The following DST variants were observed in gnomAD, a reference collection of about 807,000 sequenced individuals.
DST encodes the protein dystonin.
DST carries 253 observed loss-of-function variants against 875.2 expected under a neutral mutation model. The ratio of observed to expected loss-of-function variants is 0.29; its 90% CI spans 0.26 to 0.32. DST has a LOEUF of 0.32. DST is among the 10% of genes least tolerant of loss of function. The pLI, the probability that DST is intolerant of heterozygous loss-of-function variation, is 1.00. For missense variants in DST, 8,287 were observed against 9,111.6 expected, an observed-to-expected ratio of 0.91 and a Z score of 3.68; for synonymous variants, 3,124 against 3,197.1, an observed-to-expected ratio of 0.98 and a Z score of 0.77.
At chr6:56,779,645 A>G (rs190574146) in intron 4 of DST, among the ~76,000 whole-genome samples, 1 of 151,224 alleles carries the variant, frequency 6.6e-6, no homozygotes, top group East Asian at 1.9e-4. Context: ...ATAGGGAATC[A>G]TTTCCCCATT....
chr6:56,710,582 T>C (rs543457250), intron 5 of DST, among the ~76,000 whole-genome samples: 1 of 152,262 alleles, frequency 6.6e-6, no homozygotes, highest in African/African-American at 2.4e-5. Context: ...TTAGACAGCC[T>C]ACTTGAAAAA....
chr6:56,473,953 G>A lies in DST; in HGVS notation c.21914C>T (p.Thr7305Met), dbSNP rs1311125208. The A allele has an allele frequency of 6.3e-6, 10 of 1,585,560 alleles. No individual in the cohort carries two copies. The highest frequency in any genetic ancestry group is 1.8e-5 in the Admixed American group (1 of 56,162). ...TRKQPDVDKV[T>M]KTYKRRAADP... is the part of the protein sequence containing the mutation. ...AGCAGCTCTCCTCTTATAGGTCTTCGTTACTTTATCAACATCAGGCTGTTT... is the reference window on the plus strand; with the variant it reads ...AGCAGCTCTCCTCTTATAGGTCTTCATTACTTTATCAACATCAGGCTGTTT... Residue 7305 changes from threonine to methionine, a missense_variant, in exon 93 of 104, where the codon ACG (threonine) becomes ATG (methionine). Thr to Met is a moderately conservative substitution (Grantham distance 81). Transcript: ENST00000680361.
At chr6:56,805,662 T>C (rs1036078178) in intron 4 of DST, among the ~76,000 whole-genome samples, 1 of 152,238 alleles carries the variant, frequency 6.6e-6, no homozygotes, top group Non-Finnish European at 1.5e-5. Flanking sequence ...ATGTGCCTAC[T>C]GGCACCATTC....
At chr6:56,491,573 C>G (rs969005763) in intron 85 of DST, among the ~76,000 whole-genome samples, 1 of 151,874 alleles carries the variant, frequency 6.6e-6, no homozygotes, top group Non-Finnish European at 1.5e-5. Flanking sequence ...GAGGAGAGTT[C>G]TCTGTGAAAT....
In DST at chr6:56,578,934, A is replaced by G. The variant is rs187952313; in HGVS notation, c.12907T>C (p.Leu4303=). The G allele has an allele frequency of 3.0e-5, 48 of 1,591,998 alleles. 1 individual carries two copies. In the African/African-American group the frequency reaches 4.1e-4, roughly 14 times the overall value. ...TGCTGACTTGATATCTGTCCTTGCA[A>G]AGCCTGTAGGATTAAACGCTTTTCA... The part of the protein sequence containing the change: ...LQRQLEETKA[L]QGQISSQQVA... The change falls in exon 50 of 104, where the codon TTG becomes CTG. Residue 4303 remains leucine, a synonymous_variant. Coordinates refer to ENST00000680361, the MANE Select transcript of DST (RefSeq NM_001374736.1).
chr6:56,650,865 A>C, intron 12 of DST, 61 bp downstream of exon 12: 1 of 1,014,158 alleles, frequency 9.9e-7, no homozygotes, highest in Non-Finnish European at 1.5e-6. Context: ...ATTATCAATA[A>C]ATGCAGTCAA....
rs546471353 is a variant in DST, at chr6:56,944,335, C to T, written c.216+9450G>A. ...ACTAAGAACTGGGGTTTTAGACTGCCTTTAAGAGTCTCACAATAACAAAAA... is the reference window on the plus strand; with the variant it reads ...ACTAAGAACTGGGGTTTTAGACTGCTTTTAAGAGTCTCACAATAACAAAAA... On this transcript the variant is annotated intron_variant, in intron 2 of 103. Coordinates refer to ENST00000680361, the MANE Select transcript of DST (RefSeq NM_001374736.1). Among the ~76,000 whole-genome samples the T allele has an allele frequency of 2.0e-5, 3 of 151,302 alleles. No individual in the cohort carries two copies. In the East Asian group the frequency reaches 5.8e-4, roughly 29 times the overall value.
At chr6:56,591,692 G>C (rs770966682) in intron 49 of DST, among the ~76,000 whole-genome samples, 12 of 152,192 alleles carry the variant, frequency 7.9e-5, no homozygotes, top group Non-Finnish European at 1.2e-4. Context: ...CATCAGGAAG[G>C]CTGGGCGCGG....
At chr6:56,863,653 C>G (rs1022587291) in intron 3 of DST, among the ~76,000 whole-genome samples, 1 of 152,112 alleles carries the variant, frequency 6.6e-6, no homozygotes, top group Non-Finnish European at 1.5e-5. Flanking sequence ...CTTTCTCAAC[C>G]GGGGATTTCC....
At chr6:56,756,160 T>G (rs2099602437) in intron 4 of DST, among the ~76,000 whole-genome samples, 1 of 152,148 alleles carries the variant, frequency 6.6e-6, no homozygotes, top group South Asian at 2.1e-4. Flanking sequence ...AGGGGGCTCT[T>G]GACCCACTCC....
chr6:56,767,131 G>T (rs1247122478), intron 4 of DST, among the ~76,000 whole-genome samples: 2 of 152,188 alleles, frequency 1.3e-5, no homozygotes, highest in Non-Finnish European at 2.9e-5. Flanking sequence ...AAGATCTAAT[G>T]AATCAGCATT....
At position 56,905,393 on chromosome 6, in the gene DST, T is replaced by C. The variant is rs80274088; in HGVS notation, c.217-4772A>G. 6.4e-3 allele frequency among the ~76,000 whole-genome samples: 968 copies of C among 152,286 alleles called. 10 individuals carry two copies. The highest frequency in any genetic ancestry group is 0.022 in the African/African-American group (930 of 41,570). The stretch of plus-strand genomic sequence containing the variant: ...TGGCGTAACGGAAACTTTATACCCA[T>C]TGAATAGCAACTTCCTATCTCTCCT... On this transcript the variant is annotated intron_variant, in intron 2 of 103. Transcript: ENST00000680361.
intron 2 of DST, among the ~76,000 whole-genome samples, chr6:56,935,322 C>T (rs577623132): frequency 1.7e-3 from 252 of 152,346 alleles, no homozygotes; most frequent in African/African-American, 5.8e-3. Context: ...AAGAGGCAGT[C>T]ACACTCTAGA....
chr6:56,831,721 G>A (rs2099787286), intron 4 of DST, among the ~76,000 whole-genome samples: 1 of 151,818 alleles, frequency 6.6e-6, no homozygotes. Context: ...TAAACCACAT[G>A]TTCCAAACTG....
At chr6:56,681,817 T>G (rs1027595218) in intron 9 of DST, among the ~76,000 whole-genome samples, 8 of 152,170 alleles carry the variant, frequency 5.3e-5, no homozygotes, top group African/African-American at 1.9e-4. Flanking sequence ...GAGACCAGGA[T>G]TCTCTTGGTC....
chr6:56,734,189 T>C (rs192973573), intron 5 of DST, among the ~76,000 whole-genome samples: 2 of 152,368 alleles, frequency 1.3e-5, no homozygotes, highest in Non-Finnish European at 1.5e-5. Context: ...CTTTTATCGC[T>C]TGTGATTCTC....
At chr6:56,930,774 A>G (rs956606813) in intron 2 of DST, among the ~76,000 whole-genome samples, 1 of 152,356 alleles carries the variant, frequency 6.6e-6, no homozygotes, top group South Asian at 2.1e-4. Context: ...AAAAAGCAAT[A>G]AAATATTCAA....
intron 4 of DST, chr6:56,742,532 G>A: frequency 2.8e-6 from 1 of 356,564 alleles, no homozygotes; most frequent in Admixed American, 3.6e-5. Flanking sequence ...TTTTGTAGGG[G>A]ATATATACAA....
Position 56,851,427 on chromosome 6 carries a change from G to T in DST, c.595C>A (p.Pro199Thr). Residue 199 changes from proline to threonine, a missense_variant, in exon 4 of 104, where the codon CCT becomes ACT. Transcript: ENST00000680361. ...ATCCGAAGCACTGCCCTCTCGGCAG[G>T]GTCCAGCACTGAGCCCCCTTGAATC... Reference protein sequence around the residue: ...RKIQGGSVLDPAERAVLRIAD... With the variant: ...RKIQGGSVLDTAERAVLRIAD... 1 of 1,613,566 alleles carries T rather than the reference G, an allele frequency of 6.2e-7. No individual in the cohort carries two copies. The highest frequency in any genetic ancestry group is 8.5e-7 in the Non-Finnish European group (1 of 1,179,880).
Sources: gnomAD v4.1 joint callset for allele counts (sites outside exome capture counted in the v4.1 genomes callset) on GRCh38, gnomAD v4.1.1 for gene constraint, MANE v1.5 for transcripts, NCBI Gene and HGNC (gene_info 2026-07-23, HGNC 2026-07-21) for gene names.